Variants in DIP2C observed in about 807,000 individuals in gnomAD.
The protein encoded by DIP2C is DIP2 acetate--CoA ligase C (putative), also known as disco-interacting protein 2 homolog C.
A neutral mutation model predicts 192.4 loss-of-function variants in DIP2C; 33 were observed. The ratio of observed to expected loss-of-function variants is 0.17; its 90% confidence interval spans 0.13 to 0.23. The LOEUF (loss-of-function observed/expected upper bound fraction) is 0.23. Ranked by LOEUF, DIP2C falls within the 10% of genes least tolerant of loss-of-function variation. The pLI, the probability that DIP2C is intolerant of heterozygous loss-of-function variation, is 1.00. For missense variants in DIP2C, 1,537 were observed against 2,110.1 expected (o/e 0.73, Z 5.32); for synonymous variants, 979 against 864.1 (o/e 1.13, Z -2.33).
At chr10:662,776 C>T in intron 1 of DIP2C, 1 of 694,394 alleles carries the variant, frequency 1.4e-6, no homozygotes, top group Non-Finnish European at 2.7e-6. Flanking sequence ...TCTTGTGTTG[C>T]CTATTCTCTT....
intron 1 of DIP2C, among the ~76,000 whole-genome samples, chr10:625,170 C>T (rs1038513539): frequency 3.3e-5 from 5 of 152,176 alleles, no homozygotes; most frequent in Admixed American, 3.3e-4. Context: ...CTGACAATTA[C>T]AAACAGCTTG....
intron 28 of DIP2C, 21 bp from the exon 29 acceptor site, chr10:341,350 T>C: frequency 6.2e-7 from 1 of 1,613,100 alleles, no homozygotes; most frequent in Non-Finnish European, 8.5e-7. Flanking sequence ...CAAGGCTGTG[T>C]TAAACGCATC....
At chr10:362,951 C>T (rs1266018007) in intron 21 of DIP2C, among the ~76,000 whole-genome samples, 3 of 152,098 alleles carry the variant, frequency 2.0e-5, no homozygotes. Flanking sequence ...CAAGATCAAA[C>T]AAAAAGCTTA....
intron 1 of DIP2C, among the ~76,000 whole-genome samples, chr10:675,108 C>T (rs539633058): frequency 2.0e-5 from 3 of 151,936 alleles, no homozygotes; most frequent in East Asian, 1.9e-4. Flanking sequence ...CAGACTGTAA[C>T]AGAATAAAGC....
At chr10:649,891 G>C in intron 1 of DIP2C, 1 of 574,110 alleles carries the variant, frequency 1.7e-6, no homozygotes, top group South Asian at 2.1e-5. Context: ...TGGTCCCCTT[G>C]TGGGGGGGTG....
intron 1 of DIP2C, among the ~76,000 whole-genome samples, chr10:527,925 T>C (rs1847152389): frequency 3.3e-5 from 5 of 152,104 alleles, no homozygotes; most frequent in Admixed American, 2.6e-4. Context: ...CGGCTACACT[T>C]TACTCCCAGC....
chr10:501,602 C>CA lies in DIP2C; in HGVS notation c.86-15073dup, dbSNP rs554483864. Among the ~76,000 whole-genome samples, 256 of 151,910 alleles carry CA rather than the reference C, an allele frequency of 1.7e-3. 1 individual carries two copies. The highest frequency in any genetic ancestry group is 6.0e-3 in the African/African-American group (250 of 41,374). ...TTAAAATGAAAAAAAGGTCAATAAT[C>CA]AAAGTGCAAAACCGATCGAAGAATA... On this transcript the variant is annotated intron_variant, in intron 1 of 36. Coordinates refer to ENST00000280886, the MANE Select transcript of DIP2C (RefSeq NM_014974.3).
chr10:291,153 T>G (rs533885875), intron 32 of DIP2C, among the ~76,000 whole-genome samples: 1 of 152,222 alleles, frequency 6.6e-6, no homozygotes, highest in African/African-American at 2.4e-5. Flanking sequence ...AGGTGTGTGC[T>G]GGCCAGTGCC....
intron 1 of DIP2C, among the ~76,000 whole-genome samples, chr10:670,807 A>G (rs144222218): frequency 2.0e-5 from 3 of 152,322 alleles, no homozygotes; most frequent in Non-Finnish European, 4.4e-5. Flanking sequence ...TTTTGAGACT[A>G]TGTCTTCCTC....
intron 1 of DIP2C, among the ~76,000 whole-genome samples, chr10:565,911 T>C (rs1849441804): frequency 6.6e-6 from 1 of 152,204 alleles, no homozygotes; most frequent in African/African-American, 2.4e-5. Context: ...CAGGGCCATG[T>C]GGGCTCCCGG....
chr10:324,801 G>T (rs1247007571), intron 31 of DIP2C: 1 of 419,098 alleles, frequency 2.4e-6, no homozygotes, highest in African/African-American at 2.0e-5. Flanking sequence ...TGGTGCCGAG[G>T]TAAGGACGGT....
chr10:635,243 G>A (rs1261193174), intron 1 of DIP2C, among the ~76,000 whole-genome samples: 1 of 152,244 alleles, frequency 6.6e-6, no homozygotes, highest in Admixed American at 6.5e-5. Context: ...ACCTGTGAAT[G>A]GGGTGGGCTC....
chr10:557,727 G>GAGGGGAAGGGGGAGAGGATGGGTGGGA (rs1392836065), intron 1 of DIP2C, among the ~76,000 whole-genome samples: 2 of 60,380 alleles, frequency 3.3e-5, no homozygotes, highest in Non-Finnish European at 6.5e-5. Context: ...CAGGGCAGGG[G>GAGGGGAAGGGGGAGAGGATGGGTGGGA]AGGGGAAGGG....
chr10:457,619 G>A (rs1481474655), intron 3 of DIP2C, among the ~76,000 whole-genome samples: 10 of 152,108 alleles, frequency 6.6e-5, no homozygotes, highest in Admixed American at 6.5e-4. Flanking sequence ...GCAGTGATGT[G>A]ACAACAGCTC....
rs758358175 is a variant in DIP2C at position 363,343 on chromosome 10, G to T, written c.2478-32C>A. 3.1e-6 allele frequency: 5 copies of T among 1,587,554 alleles called. No homozygotes were observed. The highest frequency in any genetic ancestry group is 2.2e-5 in the South Asian group (2 of 90,422). ...GGACACAGGAGCATGGTGAGCACGCGCCGGGGACGCTCATGCAGCCCTCCC... is the reference window on the plus strand; with the variant it reads ...GGACACAGGAGCATGGTGAGCACGCTCCGGGGACGCTCATGCAGCCCTCCC... On this transcript the variant is annotated intron_variant, in intron 20 of 36. Transcript: ENST00000280886. The surrounding 1 kb of genome is among the most constrained non-coding windows in gnomAD (Gnocchi z 5.4).
chr10:678,121 C>G (rs908103043), intron 1 of DIP2C, among the ~76,000 whole-genome samples: 64 of 152,204 alleles, frequency 4.2e-4, no homozygotes, highest in Admixed American at 1.6e-3. Context: ...TCATCATCCC[C>G]GAGCAGTGGG....
chr10:651,185 C>A lies in DIP2C; in HGVS notation c.85+38309G>T. The A allele has an allele frequency of 1.4e-6, 1 of 717,522 alleles. No individual in the cohort carries two copies. 44.4% of individuals were successfully genotyped at this position (717,522 alleles called of 1,614,324 possible). A position where few individuals can be genotyped will look rare whatever the true frequency, so the allele number is the denominator to read the frequency against. On this transcript the variant is annotated intron_variant, in intron 1 of 36. Coordinates refer to ENST00000280886, the MANE Select transcript of DIP2C (RefSeq NM_014974.3). This position sits in a 1 kb window ranked among gnomAD's most constrained non-coding sequence, Gnocchi z 4.1. Reference sequence around the variant, plus strand: ...ACCTGCCCAGGTCTGGGACCACCGTCCTCCACGCATATCTACAGACCCTGT... The same window carrying A: ...ACCTGCCCAGGTCTGGGACCACCGTACTCCACGCATATCTACAGACCCTGT...
chr10:323,353 AGC>A (rs1191820748), intron 31 of DIP2C, among the ~76,000 whole-genome samples: 1 of 53,454 alleles, frequency 1.9e-5, no homozygotes, highest in African/African-American at 7.7e-5. Context: ...GCGGGGCTCC[AGC>A]GAGAGACCGG....
chr10:373,958 C>A (rs190986620), intron 17 of DIP2C, among the ~76,000 whole-genome samples: 1 of 152,296 alleles, frequency 6.6e-6, no homozygotes, highest in African/African-American at 2.4e-5. Context: ...CCCCCGGATC[C>A]AATTTCTCTC....
Sources: gnomAD v4.1 joint callset for allele counts (sites outside exome capture counted in the v4.1 genomes callset) on GRCh38, gnomAD v4.1.1 for gene constraint, Gnocchi (gnomAD v3.1) non-coding constraint, MANE v1.5 for transcripts, NCBI Gene and HGNC (gene_info 2026-07-23, HGNC 2026-07-21) for gene names.